TAMM41: variants seen among roughly 807,000 people sequenced by gnomAD.
TAMM41 encodes TAM41 mitochondrial translocator assembly and maintenance homolog, also known as phosphatidate cytidylyltransferase, mitochondrial.
In TAMM41, 36 loss-of-function variants were observed where a neutral mutation model predicts 44.1. The ratio of observed to expected loss-of-function variants is 0.82; its 90% CI spans 0.63 to 1.08. TAMM41 has a LOEUF of 1.08. Among genes scored for constraint, TAMM41 ranks in the 50% least tolerant of loss-of-function variants. The probability of loss-of-function intolerance (pLI) is 0.00; values close to 1 mark genes in which losing one functional copy is unlikely to be tolerated. For missense variants in TAMM41, 417 were observed against 404.3 expected (o/e 1.03, Z -0.27); for synonymous variants, 164 against 153.1 (o/e 1.07, Z -0.53).
chr3:11,751,344 G>A, the TAMM41 span, among the ~76,000 whole-genome samples: 4 of 151,894 alleles, frequency 2.6e-5, no homozygotes, highest in Admixed American at 2.0e-4. Flanking sequence ...TGCCCGCCTC[G>A]GCCCCCCAAA....
intron 3 of TAMM41, among the ~76,000 whole-genome samples, chr3:11,831,282 T>G (rs1391931834): frequency 6.6e-6 from 1 of 152,176 alleles, no homozygotes; most frequent in Non-Finnish European, 1.5e-5. Flanking sequence ...AATGTACATT[T>G]CTAACAAGTT....
At chr3:11,768,437 C>CAAAT in the TAMM41 span, among the ~76,000 whole-genome samples, 4 of 152,306 alleles carry the variant, frequency 2.6e-5, no homozygotes, top group East Asian at 7.7e-4. Flanking sequence ...TGCACCCAGC[C>CAAAT]AAATCCTTTT....
chr3:11,808,090 G>A (rs1308407309), intron 6 of TAMM41, 195 bp from the exon 7 acceptor site: 8 of 1,160,950 alleles, frequency 6.9e-6, no homozygotes, highest in South Asian at 1.8e-5. Context: ...GCAGCCAGCC[G>A]TGGCGCCACC....
chr3:11,805,575 T>C (rs1039655152), intron 7 of TAMM41, among the ~76,000 whole-genome samples: 2 of 152,206 alleles, frequency 1.3e-5, no homozygotes, highest in African/African-American at 4.8e-5. Context: ...CCTGGCCTTG[T>C]TGAATCTTTC....
chr3:11,735,112 C>T, the TAMM41 span, among the ~76,000 whole-genome samples: 2 of 151,562 alleles, frequency 1.3e-5, no homozygotes, highest in Admixed American at 6.6e-5. Flanking sequence ...ATAATCCTAG[C>T]ACTTTGGGAG....
chr3:11,728,836 C>T, the TAMM41 span, among the ~76,000 whole-genome samples: 1 of 152,028 alleles, frequency 6.6e-6, no homozygotes, highest in South Asian at 2.1e-4. Context: ...TAGTGAAACC[C>T]CGTCGCCACT....
At chr3:11,801,524 C>T (rs900255716) in intron 7 of TAMM41, among the ~76,000 whole-genome samples, 4 of 152,066 alleles carry the variant, frequency 2.6e-5, no homozygotes, top group African/African-American at 9.7e-5. Context: ...TGGGGTTTTT[C>T]CACGTTGCCC....
chr3:11,772,171 T>C, the TAMM41 span, among the ~76,000 whole-genome samples: 10 of 151,322 alleles, frequency 6.6e-5, no homozygotes, highest in Admixed American at 4.6e-4. Flanking sequence ...CCCAGGTTCA[T>C]GCCATTCTCC....
chr3:11,793,489 T>C (rs987260430), intron 7 of TAMM41, among the ~76,000 whole-genome samples: 3 of 152,144 alleles, frequency 2.0e-5, no homozygotes, highest in African/African-American at 7.2e-5. Flanking sequence ...TACCCCTCAG[T>C]ACATACCTGA....
At chr3:11,790,439 CTG>C, downstream of TAMM41, 1 of 1,412,158 alleles carries the variant, frequency 7.1e-7, no homozygotes, top group Non-Finnish European at 1.0e-6. Context: ...GTAACAAACA[CTG>C]TTCTGTCAAA....
intron 4 of TAMM41, among the ~76,000 whole-genome samples, chr3:11,823,476 T>G (rs898744932): frequency 2.0e-5 from 3 of 151,508 alleles, no homozygotes; most frequent in African/African-American, 4.9e-5. Context: ...AGACTGGTCT[T>G]GAACCCCTGA....
At chr3:11,765,422 T>A in the TAMM41 span, among the ~76,000 whole-genome samples, 8 of 152,196 alleles carry the variant, frequency 5.3e-5, no homozygotes, top group African/African-American at 1.9e-4. Flanking sequence ...AATACTACGA[T>A]GTTCTTTTAA....
At chr3:11,746,135 C>T in the TAMM41 span, among the ~76,000 whole-genome samples, 2 of 150,864 alleles carry the variant, frequency 1.3e-5, no homozygotes, top group Non-Finnish European at 2.9e-5. Context: ...CCCGTCTCTA[C>T]TAAAAATACA....
chr3:11,789,643 G>A (rs530737164), downstream of TAMM41, among the ~76,000 whole-genome samples: 19 of 152,274 alleles, frequency 1.2e-4, no homozygotes, highest in African/African-American at 4.3e-4. Flanking sequence ...ACTGGCTCTG[G>A]GATGGGCATG....
At chr3:11,778,288 G>A in the TAMM41 span, among the ~76,000 whole-genome samples, 4 of 152,102 alleles carry the variant, frequency 2.6e-5, no homozygotes, top group Admixed American at 2.0e-4. Context: ...GCAGTGGTGC[G>A]ATCACAGCTC....
At chr3:11,792,538 A>G (rs1015314129) in intron 7 of TAMM41, among the ~76,000 whole-genome samples, 1 of 152,220 alleles carries the variant, frequency 6.6e-6, no homozygotes, top group African/African-American at 2.4e-5. Flanking sequence ...AGTTCTAGTC[A>G]GATTTTCACA....
At chr3:11,767,537 T>C in the TAMM41 span, among the ~76,000 whole-genome samples, 2 of 151,958 alleles carry the variant, frequency 1.3e-5, no homozygotes, top group Non-Finnish European at 2.9e-5. Context: ...ACTATCAAAC[T>C]GTTTTCTGTA....
At chr3:11,741,869 A>G in the TAMM41 span, among the ~76,000 whole-genome samples, 4 of 150,040 alleles carry the variant, frequency 2.7e-5, no homozygotes, top group Admixed American at 6.6e-5. Context: ...CTGACAGTCA[A>G]TTGGATAACC....
chr3:11,811,704 C>G (rs2078091326), intron 5 of TAMM41: 1 of 152,170 alleles, frequency 6.6e-6, no homozygotes, highest in South Asian at 2.1e-4. Flanking sequence ...ATGGAAAAAA[C>G]TTTATATGAT....
Sources: allele counts gnomAD v4.1 joint callset (sites outside exome capture counted in the v4.1 genomes callset), GRCh38; gene constraint gnomAD v4.1.1; transcripts MANE v1.5; gene names NCBI Gene and HGNC (gene_info 2026-07-23, HGNC 2026-07-21).